Variants in BICDL1 observed in about 807,000 individuals in gnomAD.
BICDL1 encodes the protein BICD family like cargo adaptor 1.
BICDL1 carries 20 observed loss-of-function variants against 76.8 expected under a neutral mutation model. The ratio of observed to expected loss-of-function variants is 0.26; its 90% confidence interval spans 0.18 to 0.38. BICDL1 has a LOEUF of 0.38. Ranked by LOEUF, BICDL1 falls within the 10% of genes least tolerant of loss-of-function variation. The pLI is 1.00. For missense variants in BICDL1, 700 were observed against 798.6 expected (o/e 0.88, Z 1.49); for synonymous variants, 383 against 337.1 (o/e 1.14, Z -1.49).
chr12:119,996,080 G>A (rs1335080335), intron 1 of BICDL1, among the ~76,000 whole-genome samples: 4 of 151,994 alleles, frequency 2.6e-5, no homozygotes, highest in Admixed American at 1.3e-4. Context: ...GCCCTCCCTT[G>A]TCATTTCTTT....
intron 4 of BICDL1, among the ~76,000 whole-genome samples, chr12:120,068,420 T>C (rs946990938): frequency 6.6e-6 from 1 of 152,244 alleles, no homozygotes; most frequent in Non-Finnish European, 1.5e-5. Flanking sequence ...ATGTGGCATG[T>C]GGCATGTGGT....
chr12:120,090,010 G>C lies in BICDL1; in HGVS notation c.1643G>C (p.Ser548Thr). 1 of 1,614,206 alleles carries C rather than the reference G, an allele frequency of 6.2e-7. No individual in the cohort carries two copies. The change falls in exon 9 of 10, where the codon AGC (serine) becomes ACC (threonine). Residue 548 changes from serine (S) to threonine (T), a missense_variant. This residue lies in a region of BICDL1 where 455 missense variants were observed against 548.7 expected (regional missense o/e 0.83). Coordinates refer to ENST00000548673, the MANE Select transcript of BICDL1 (RefSeq NM_001367886.1). ...AGGATGGATATGATGTCTCTGAACA[G>C]CCAGTTGCTGGATGCCATTCAGCAG... The part of the protein sequence containing the change: ...KCRMDMMSLN[S>T]QLLDAIQQKL...
At chr12:120,003,103 A>G (rs1951788378) in intron 2 of BICDL1, among the ~76,000 whole-genome samples, 1 of 151,118 alleles carries the variant, frequency 6.6e-6, no homozygotes, top group African/African-American at 2.4e-5. Flanking sequence ...GGCTGCAGTG[A>G]GCCGAAATTG....
chr12:119,996,179 C>G (rs1309584362), intron 1 of BICDL1, among the ~76,000 whole-genome samples: 1 of 152,112 alleles, frequency 6.6e-6, no homozygotes, highest in Non-Finnish European at 1.5e-5. Flanking sequence ...TGAGTTGTCT[C>G]CTTAAAGTTG....
At chr12:120,041,694 T>A (rs1952645718) in intron 2 of BICDL1, among the ~76,000 whole-genome samples, 1 of 151,752 alleles carries the variant, frequency 6.6e-6, no homozygotes, top group South Asian at 2.1e-4. Flanking sequence ...GAGACCCGAG[T>A]GGAGTGCAGG....
chr12:120,015,182 G>A (rs1952035105), intron 2 of BICDL1, among the ~76,000 whole-genome samples: 1 of 152,130 alleles, frequency 6.6e-6, no homozygotes, highest in South Asian at 2.1e-4. Flanking sequence ...TTAACTTTAT[G>A]CAATAACCTG....
At chr12:120,046,016 T>C (rs1290501450) in intron 2 of BICDL1, among the ~76,000 whole-genome samples, 1 of 152,140 alleles carries the variant, frequency 6.6e-6, no homozygotes, top group East Asian at 1.9e-4. Context: ...CAGAAGCTTG[T>C]TCCAAGGTGG....
intron 7 of BICDL1, among the ~76,000 whole-genome samples, chr12:120,077,578 T>C (rs1873652691): frequency 6.6e-6 from 1 of 152,222 alleles, no homozygotes; most frequent in African/African-American, 2.4e-5. Flanking sequence ...CATGCTTGAC[T>C]CGAGTGCACA....
chr12:120,089,669 A>C (rs1385488913), intron 8 of BICDL1, among the ~76,000 whole-genome samples: 4 of 152,200 alleles, frequency 2.6e-5, no homozygotes, highest in Admixed American at 6.5e-5. Context: ...GGCATGAGCC[A>C]CCACACCCGG....
At chr12:120,072,446 A>G in intron 5 of BICDL1, 65 bp from the exon 6 acceptor site, 1 of 1,499,516 alleles carries the variant, frequency 6.7e-7, no homozygotes, top group Non-Finnish European at 9.3e-7. Flanking sequence ...TCAGAGCTAG[A>G]AAAAGATGGC....
intron 2 of BICDL1, among the ~76,000 whole-genome samples, chr12:120,011,097 C>T (rs1019588934): frequency 3.9e-5 from 6 of 152,146 alleles, no homozygotes; most frequent in Non-Finnish European, 7.3e-5. Flanking sequence ...TTAGTTCAGG[C>T]AGTGATTCAG....
At chr12:120,041,041 C>G (rs774512152) in intron 2 of BICDL1, among the ~76,000 whole-genome samples, 5 of 152,112 alleles carry the variant, frequency 3.3e-5, no homozygotes, top group Non-Finnish European at 7.4e-5. Flanking sequence ...GCCACTGCTC[C>G]CAGCCAGCAG....
At chr12:120,030,299 G>A (rs1030305501) in intron 2 of BICDL1, among the ~76,000 whole-genome samples, 7 of 152,158 alleles carry the variant, frequency 4.6e-5, no homozygotes, top group African/African-American at 1.7e-4. Flanking sequence ...GAAATGAGGC[G>A]AGATGTAGAT....
intron 2 of BICDL1, among the ~76,000 whole-genome samples, chr12:120,045,294 A>G (rs1329528674): frequency 2.0e-5 from 3 of 152,162 alleles, no homozygotes; most frequent in Non-Finnish European, 4.4e-5. Flanking sequence ...AATGTGGAGA[A>G]ATAGGAACAC....
At position 119,989,291 on chromosome 12, in the gene BICDL1, C is replaced by T. The variant is rs947638271; in HGVS notation, c.-578C>T. Among the ~76,000 whole-genome samples the T allele has an allele frequency of 2.1e-5, 3 of 143,896 alleles. No individual in the cohort carries two copies. The highest frequency in any genetic ancestry group is 8.3e-5 in the African/African-American group (3 of 36,200). The allele number at this position is 143,896 out of a possible 152,430, so 94.4% of individuals were successfully genotyped here. On this transcript the variant is annotated 5_prime_UTR_variant, in exon 1 of 10. Coordinates refer to ENST00000548673, the MANE Select transcript of BICDL1 (RefSeq NM_001367886.1). ...CGATGTGGAGCCGCCGCCTCGGCCC[C>T]TGCAGCAGCAGCAGCCGCCGTCGCC...
At chr12:120,021,511 C>CGGG (rs1952178399) in intron 2 of BICDL1, among the ~76,000 whole-genome samples, 1 of 144,088 alleles carries the variant, frequency 6.9e-6, no homozygotes, top group African/African-American at 2.6e-5. Context: ...CGCTTGAACC[C>CGGG]AGAAGGCAGA....
At chr12:119,994,479 T>C (rs960160529) in intron 1 of BICDL1, among the ~76,000 whole-genome samples, 4 of 152,034 alleles carry the variant, frequency 2.6e-5, no homozygotes, top group African/African-American at 9.7e-5. Context: ...GTGGGGTTTT[T>C]TTAGTTTTAA....
At position 120,046,505 on chromosome 12, in the gene BICDL1, G is replaced by A. The variant is rs545020418; in HGVS notation, c.646-15205G>A. ...ATTTATTTCAGTCATACAACCTTAT[G>A]AGGTAGGTACTACTTTCTCCTAAAT... On this transcript the variant is annotated intron_variant, in intron 2 of 9. Transcript: ENST00000548673. Among the ~76,000 whole-genome samples, 4 of 152,316 alleles carry A rather than the reference G, an allele frequency of 2.6e-5. No individual in the cohort carries two copies. The South Asian group carries it at 8.3e-4, about 32-fold the overall frequency.
intron 2 of BICDL1, among the ~76,000 whole-genome samples, chr12:120,047,817 A>G (rs1952778045): frequency 2.0e-5 from 3 of 152,146 alleles, no homozygotes; most frequent in Non-Finnish European, 4.4e-5. Flanking sequence ...GTACTTCTCA[A>G]GTCACCTGCC....
Sources: allele counts gnomAD v4.1 joint callset (sites outside exome capture counted in the v4.1 genomes callset), GRCh38; gene constraint gnomAD v4.1.1; regional missense constraint gnomAD v4.1.1; transcripts MANE v1.5; gene names NCBI Gene and HGNC (gene_info 2026-07-23, HGNC 2026-07-21).